NALF1: variants seen among roughly 807,000 people sequenced by gnomAD.
The protein encoded by NALF1 is family with sequence similarity 155 member A.
In NALF1, 3 loss-of-function variants were observed where a neutral mutation model predicts 48.4. The ratio of observed to expected loss-of-function variants is 0.06; its 90% CI spans 0.03 to 0.16. NALF1 has a LOEUF of 0.16. NALF1 is among the 10% of genes least tolerant of loss of function. The pLI, the probability that NALF1 is intolerant of heterozygous loss-of-function variation, is 1.00. For synonymous variants in NALF1, 262 were observed against 245.7 expected, an observed-to-expected ratio of 1.07 and a Z score of -0.62; for missense variants, 526 against 571.5, an observed-to-expected ratio of 0.92 and a Z score of 0.81.
intron 1 of NALF1, among the ~76,000 whole-genome samples, chr13:107,680,886 C>G (rs1881282329): frequency 7.5e-6 from 1 of 132,934 alleles, no homozygotes. Context: ...GTGTGTGTGT[C>G]CATGAGAGAG....
intron 1 of NALF1, among the ~76,000 whole-genome samples, chr13:107,436,513 A>T (rs986174144): frequency 6.6e-6 from 1 of 152,226 alleles, no homozygotes; most frequent in South Asian, 2.1e-4. Context: ...AAAGCATTTG[A>T]CAAAATTCAG....
chr13:107,211,401 A>T (rs1036784479), intron 1 of NALF1, among the ~76,000 whole-genome samples: 5 of 152,196 alleles, frequency 3.3e-5, no homozygotes, highest in African/African-American at 1.2e-4. Flanking sequence ...AGTAGGAGGG[A>T]AGCCTCATCA....
intron 1 of NALF1, among the ~76,000 whole-genome samples, chr13:107,508,943 C>G (rs745538480): frequency 1.4e-4 from 21 of 152,066 alleles, no homozygotes; most frequent in Non-Finnish European, 2.6e-4. Context: ...TTAGAGAACA[C>G]TGTGATTATT....
chr13:107,544,082 G>A (rs2491590), intron 1 of NALF1, among the ~76,000 whole-genome samples: 55,805 of 151,854 alleles, frequency 0.37, 10,396 homozygotes, highest in African/African-American at 0.42. Flanking sequence ...CATATCAGAA[G>A]GCACCCTTCT....
In NALF1 at chr13:107,165,989, A is replaced by G. The variant is rs1477672302; in HGVS notation, c.*4508T>C. 1.3e-5 allele frequency: 2 copies of G among 149,614 alleles called. No individual in the cohort carries two copies. Among genetic ancestry groups the G allele is most frequent in the Non-Finnish European group, 2.9e-5 (2 of 67,836 alleles). 9.3% of individuals were successfully genotyped at this position (149,614 alleles called of 1,614,324 possible). A position where few individuals can be genotyped will look rare whatever the true frequency, so the allele number is the denominator to read the frequency against. ...ATGGACTACATAATGTTTTGGTTGA[A>G]GTTTTATTTGCAAGCGATGTGTGTG... On this transcript the variant is annotated 3_prime_UTR_variant, in exon 3 of 3. Coordinates refer to ENST00000375915, the MANE Select transcript of NALF1 (RefSeq NM_001080396.3).
intron 1 of NALF1, among the ~76,000 whole-genome samples, chr13:107,229,648 A>G (rs1880178903): frequency 6.6e-6 from 1 of 152,140 alleles, no homozygotes; most frequent in Non-Finnish European, 1.5e-5. Context: ...CACACCCATG[A>G]ACATTTATAT....
intron 1 of NALF1, among the ~76,000 whole-genome samples, chr13:107,448,861 G>T (rs1884695095): frequency 1.3e-5 from 2 of 152,180 alleles, no homozygotes; most frequent in African/African-American, 4.8e-5. Context: ...TCAAGCTGAT[G>T]TGAGAGGAGC....
intron 1 of NALF1, among the ~76,000 whole-genome samples, chr13:107,491,956 T>C (rs1239311673): frequency 6.6e-6 from 1 of 151,666 alleles, no homozygotes; most frequent in Non-Finnish European, 1.5e-5. Flanking sequence ...GAAAGATGCC[T>C]GGGCACCTGT....
Position 107,199,802 on chromosome 13 carries a change from A to G in NALF1, c.1087+10782T>C, listed in dbSNP as rs965047926. On this transcript the variant is annotated intron_variant, in intron 2 of 2. Transcript: ENST00000375915. The stretch of plus-strand genomic sequence containing the variant: ...CTGAGATGCTTCTTTCTGACTCCCA[A>G]TGGAGGACACTTTGTTAAAGTGCAT... Among the ~76,000 whole-genome samples the G allele has an allele frequency of 5.3e-5, 8 of 152,152 alleles. No individual in the cohort carries two copies. In the East Asian group the frequency reaches 5.8e-4, roughly 11 times the overall value.
chr13:107,262,462 A>G (rs1210903284), intron 1 of NALF1, among the ~76,000 whole-genome samples: 1 of 152,148 alleles, frequency 6.6e-6, no homozygotes, highest in Non-Finnish European at 1.5e-5. Context: ...TTTCTTTTGG[A>G]CGATGTTGGA....
At chr13:107,720,580 T>C (rs1234645075) in intron 1 of NALF1, among the ~76,000 whole-genome samples, 1 of 148,622 alleles carries the variant, frequency 6.7e-6, no homozygotes, top group Non-Finnish European at 1.5e-5. Context: ...TGGAGTCCAG[T>C]AACATGTGCA....
Position 107,406,140 on chromosome 13 carries a change from A to C in NALF1, c.916-195385T>G, listed in dbSNP as rs1883894148. Among the ~76,000 whole-genome samples, 3 of 152,192 alleles carry C rather than the reference A, an allele frequency of 2.0e-5. No individual in the cohort carries two copies. The South Asian group carries it at 6.2e-4, about 32-fold the overall frequency. On this transcript the variant is annotated intron_variant, in intron 1 of 2. Transcript: ENST00000375915. The stretch of plus-strand genomic sequence containing the variant: ...TACAACAAACACATCTAGGAAAAGA[A>C]CATCACACACTTCCTTTGTGAAGTC...
intron 1 of NALF1, among the ~76,000 whole-genome samples, chr13:107,297,535 C>T (rs112913637): frequency 2.6e-5 from 4 of 152,060 alleles, no homozygotes; most frequent in African/African-American, 9.7e-5. Context: ...ATGAAGACAG[C>T]CAGTTTCCCA....
In NALF1 at chr13:107,751,979, G is replaced by A. The variant is rs1212058244; in HGVS notation, c.915+113703C>T. Among the ~76,000 whole-genome samples, 7 of 151,814 alleles carry A rather than the reference G, an allele frequency of 4.6e-5. No individual in the cohort carries two copies. In the East Asian group the frequency reaches 1.4e-3, roughly 29 times the overall value. ...ATATTGCAAAGCATATTCATTTTTA[G>A]TATTCTATCAAATTTCAAACATATT... is the stretch of plus-strand genomic sequence containing the variant. On this transcript the variant is annotated intron_variant, in intron 1 of 2. Transcript: ENST00000375915.
intron 1 of NALF1, among the ~76,000 whole-genome samples, chr13:107,605,608 G>C (rs1434917974): frequency 6.6e-6 from 1 of 152,032 alleles, no homozygotes; most frequent in African/African-American, 2.4e-5. Flanking sequence ...TTCCTAGGAA[G>C]GAAAAAATTC....
intron 1 of NALF1, among the ~76,000 whole-genome samples, chr13:107,439,576 C>G (rs1001937108): frequency 5.3e-5 from 8 of 152,200 alleles, no homozygotes; most frequent in African/African-American, 1.9e-4. Context: ...GGGCTCCTCT[C>G]CAAATGCAAT....
At chr13:107,497,057 G>A (rs1183734373) in intron 1 of NALF1, among the ~76,000 whole-genome samples, 3 of 151,960 alleles carry the variant, frequency 2.0e-5, no homozygotes, top group African/African-American at 4.8e-5. Context: ...TTAAATACAG[G>A]CACTAACTAC....
At chr13:107,446,334 C>T (rs895323672) in intron 1 of NALF1, among the ~76,000 whole-genome samples, 8 of 151,892 alleles carry the variant, frequency 5.3e-5, no homozygotes, top group Non-Finnish European at 1.2e-4. Context: ...TTTGTGCTTA[C>T]ACAACAAGGA....
chr13:107,172,533 T>C (rs907555426), intron 2 of NALF1, among the ~76,000 whole-genome samples: 9 of 152,226 alleles, frequency 5.9e-5, no homozygotes, highest in Non-Finnish European at 1.0e-4. Context: ...GCTTACAATA[T>C]TCATTTCTTC....
Sources: gnomAD v4.1 joint callset for allele counts (sites outside exome capture counted in the v4.1 genomes callset) on GRCh38, gnomAD v4.1.1 for gene constraint, MANE v1.5 for transcripts, NCBI Gene and HGNC (gene_info 2026-07-23, HGNC 2026-07-21) for gene names.